RBFOX2: variants seen among roughly 807,000 people sequenced by gnomAD.
RBFOX2 encodes the protein RNA binding protein fox-1 homolog 2.
A neutral mutation model predicts 49.1 loss-of-function variants in RBFOX2; 10 were observed. That is an observed-to-expected ratio of 0.20 (90% CI 0.13 to 0.35). RBFOX2 has a LOEUF of 0.35. Ranked by LOEUF, RBFOX2 falls within the 10% of genes least tolerant of loss-of-function variation. The pLI is 1.00. For missense variants in RBFOX2, 323 were observed against 486.9 expected, an observed-to-expected ratio of 0.66 and a Z score of 3.17; for synonymous variants, 183 against 187.4, an observed-to-expected ratio of 0.98 and a Z score of 0.19.
intron 1 of RBFOX2, among the ~76,000 whole-genome samples, chr22:35,913,102 G>A (rs2050004799): frequency 9.0e-6 from 1 of 111,052 alleles, no homozygotes. Context: ...GGCTTCTACT[G>A]TAATTTTTTT....
chr22:35,768,162 C>T (rs1941589519), intron 5 of RBFOX2, 95 bp downstream of exon 6: 2 of 1,348,496 alleles, frequency 1.5e-6, no homozygotes, highest in African/African-American at 1.4e-5. Context: ...CACACGCACA[C>T]ATAAGACAGG....
chr22:35,844,797 C>T (rs1024189639), upstream of RBFOX2, among the ~76,000 whole-genome samples: 1 of 151,940 alleles, frequency 6.6e-6, no homozygotes, highest in Non-Finnish European at 1.5e-5. Flanking sequence ...TGAGCCACCG[C>T]GCCTGGCCTT....
At position 35,837,330 on chromosome 22, in the gene RBFOX2, G is replaced by C. The variant is rs1353577915; in HGVS notation, c.27+2862C>G. The stretch of plus-strand genomic sequence containing the variant: ...TCATCTGAAGATGCAAAGAACCTAA[G>C]TAGCAAAACAGTGAAAACACATCCA... On this transcript the variant is annotated intron_variant, in intron 1 of 11. Coordinates refer to ENST00000405409, the Ensembl canonical transcript of RBFOX2. 2.0e-5 allele frequency among the ~76,000 whole-genome samples: 3 copies of C among 152,234 alleles called. No individual in the cohort carries two copies. The East Asian group carries it at 5.8e-4, about 29-fold the overall frequency.
intron 1 of RBFOX2, among the ~76,000 whole-genome samples, chr22:35,975,863 G>C (rs1380437273): frequency 6.6e-6 from 1 of 152,102 alleles, no homozygotes; most frequent in Non-Finnish European, 1.5e-5. Flanking sequence ...TTCCAGACTT[G>C]TTACTGTTAT....
intron 1 of RBFOX2, chr22:35,961,488 C>G (rs2056201866): frequency 7.7e-7 from 1 of 1,296,180 alleles, no homozygotes; most frequent in Admixed American, 2.3e-5. Context: ...GGACTCCCCA[C>G]ACCTTACTGA....
intron 1 of RBFOX2, chr22:35,822,041 G>T: frequency 2.0e-6 from 1 of 493,692 alleles, no homozygotes; most frequent in Admixed American, 2.1e-5. Flanking sequence ...CAAAGAGAGG[G>T]CCAGCCTTTC....
At chr22:35,834,511 A>G (rs901186742) in intron 1 of RBFOX2, among the ~76,000 whole-genome samples, 4 of 152,210 alleles carry the variant, frequency 2.6e-5, no homozygotes, top group Admixed American at 2.6e-4. Context: ...AACGGTAAGA[A>G]CTAAAATCAG....
At chr22:35,768,082 G>C (rs1442111406) in intron 5 of RBFOX2, among the ~76,000 whole-genome samples, 175 bp downstream of exon 6, 1 of 152,110 alleles carries the variant, frequency 6.6e-6, no homozygotes, top group Admixed American at 6.5e-5. Context: ...GAGGCAGATA[G>C]AAGTGTTACT....
chr22:35,894,019 G>A (rs1257536917), intron 1 of RBFOX2, among the ~76,000 whole-genome samples: 1 of 152,068 alleles, frequency 6.6e-6, no homozygotes, highest in Non-Finnish European at 1.5e-5. Flanking sequence ...AATTGCAGGC[G>A]GCTTGGGGGA....
At chr22:35,862,588 G>A (rs895033013) in intron 1 of RBFOX2, among the ~76,000 whole-genome samples, 5 of 152,100 alleles carry the variant, frequency 3.3e-5, no homozygotes, top group African/African-American at 1.2e-4. Context: ...CTTCAGGAGG[G>A]CAGGTACTAC....
In RBFOX2 at chr22:35,756,264, T is replaced by C. The variant is rs1226993175; in HGVS notation, c.887+3624A>G. Reference sequence around the variant, plus strand: ...CACAGGCAGGTGATGTATGAATACATAACCTGGGCTTGGGGCCTCGGCAAG... The same window carrying C: ...CACAGGCAGGTGATGTATGAATACACAACCTGGGCTTGGGGCCTCGGCAAG... On this transcript the variant is annotated intron_variant, in intron 9 of 11. Transcript: ENST00000405409. The C allele has an allele frequency of 3.7e-6, 3 of 812,634 alleles. No homozygotes were observed. In the African/African-American group the frequency reaches 5.4e-5, roughly 15 times the overall value. 50.3% of individuals were successfully genotyped at this position (812,634 alleles called of 1,614,324 possible). A position where few individuals can be genotyped will look rare whatever the true frequency, so the allele number is the denominator to read the frequency against.
rs6000064 is a variant in RBFOX2 at position 36,017,241 on chromosome 22, T to A, written c.186+10999A>T. 8.3e-4 allele frequency among the ~76,000 whole-genome samples: 127 copies of A among 152,230 alleles called. 1 individual carries two copies. The highest frequency in any genetic ancestry group is 3.7e-3 in the South Asian group (18 of 4,820). On this transcript the variant is annotated intron_variant, in intron 1 of 13. Transcript: ENST00000438146. Reference sequence around the variant, plus strand: ...TATTTTCCCCAGATCCATAAAAACATGTTACAGTGCCGGGCACGTGGCTCA... The same window carrying A: ...TATTTTCCCCAGATCCATAAAAACAAGTTACAGTGCCGGGCACGTGGCTCA...
At chr22:35,979,310 G>A (rs1002105796) in intron 1 of RBFOX2, among the ~76,000 whole-genome samples, 5 of 152,132 alleles carry the variant, frequency 3.3e-5, no homozygotes, top group African/African-American at 4.8e-5. Flanking sequence ...ACAAGATACC[G>A]GACCAAAAAG....
chr22:35,897,941 C>G (rs1392432194), intron 1 of RBFOX2: 5 of 766,870 alleles, frequency 6.5e-6, no homozygotes, highest in Non-Finnish European at 9.3e-6. Context: ...TCCTTGGACA[C>G]CTGAGCAATT....
At chr22:35,844,795 C>T (rs894118596), upstream of RBFOX2, among the ~76,000 whole-genome samples, 11 of 152,032 alleles carry the variant, frequency 7.2e-5, no homozygotes, top group Admixed American at 2.0e-4. Flanking sequence ...CGTGAGCCAC[C>T]GCGCCTGGCC....
intron 2 of RBFOX2, among the ~76,000 whole-genome samples, chr22:35,800,620 A>C (rs1378990135): frequency 1.3e-5 from 2 of 152,002 alleles, no homozygotes; most frequent in African/African-American, 4.8e-5. Context: ...CATTAATACA[A>C]GGCCCAGATC....
chr22:35,820,099 G>C (rs1370306886), intron 1 of RBFOX2, among the ~76,000 whole-genome samples: 1 of 152,202 alleles, frequency 6.6e-6, no homozygotes, highest in Non-Finnish European at 1.5e-5. Context: ...AAGCGAGAAA[G>C]GTAGCAGTGG....
At chr22:35,876,223 TA>T (rs1051768850) in intron 1 of RBFOX2, among the ~76,000 whole-genome samples, 1 of 152,190 alleles carries the variant, frequency 6.6e-6, no homozygotes, top group African/African-American at 2.4e-5. Context: ...GTAGCATTTT[TA>T]AAATTTTTTT....
At chr22:35,844,230 A>G (rs541629462), upstream of RBFOX2, among the ~76,000 whole-genome samples, 1 of 152,320 alleles carries the variant, frequency 6.6e-6, no homozygotes, top group Admixed American at 6.5e-5. Flanking sequence ...ACTGTTCTGC[A>G]TAACTATGAC....
Sources: allele counts gnomAD v4.1 joint callset (sites outside exome capture counted in the v4.1 genomes callset), GRCh38; gene constraint gnomAD v4.1.1; transcripts MANE v1.5; gene names NCBI Gene and HGNC (gene_info 2026-07-23, HGNC 2026-07-21).